Variants in APOB observed in about 807,000 individuals in gnomAD.
APOB encodes apolipoprotein B, also known as apolipoprotein B-100.
A neutral mutation model predicts 314.1 loss-of-function variants in APOB; 153 were observed. That is an observed-to-expected ratio of 0.49 (90% CI 0.43 to 0.56). The LOEUF is 0.56. Ranked by LOEUF, APOB falls within the 20% of genes least tolerant of loss-of-function variation. The pLI, the probability that APOB is intolerant of heterozygous loss-of-function variation, is 0.00. For synonymous variants in APOB, 2,087 were observed against 2,036.4 expected (o/e 1.02, Z -0.67); for missense variants, 5,430 against 5,350.7 (o/e 1.01, Z -0.46).
At chr2:21,042,042 A>C (rs1664144273) in intron 3 of APOB, among the ~76,000 whole-genome samples, 1 of 152,176 alleles carries the variant, frequency 6.6e-6, no homozygotes, top group Admixed American at 6.5e-5. Flanking sequence ...TAGCTCACCT[A>C]CTGGGCCTCT....
rs772499358 is a variant in APOB, at chr2:21,026,803, A to C, written c.2229T>G (p.Asp743Glu). 2 of 1,613,538 alleles carry C rather than the reference A, an allele frequency of 1.2e-6. No homozygotes were observed. The highest frequency in any genetic ancestry group is 1.6e-4 in the Middle Eastern group (1 of 6,062). The change falls in exon 15 of 29, where the codon GAT (aspartate) becomes GAG (glutamate). Residue 743 changes from aspartate to glutamate, a missense_variant. This residue lies in a region of APOB where 2,085 missense variants were observed against 2,079.7 expected (regional missense o/e 1.00). Coordinates refer to ENST00000233242, the MANE Select transcript of APOB (RefSeq NM_000384.3). ...VLVDHFGYTK[D>E]DKHEQDMVNG... ...AAATACACACCTGCTCATGTTTATC[A>C]TCTTTGGTATAGCCAAAGTGGTCCA...
rs1303684057 is a variant in APOB, at chr2:21,005,778, C to T, written c.11090G>A (p.Gly3697Asp). The T allele has an allele frequency of 6.2e-7, 1 of 1,613,892 alleles. No homozygotes were observed. Among genetic ancestry groups the T allele is most frequent in the Non-Finnish European group, 8.5e-7 (1 of 1,179,982 alleles). Residue 3697 changes from glycine (G) to aspartate (D), a missense_variant, in exon 26 of 29, where the codon GGT becomes GAT. This residue lies in a region of APOB where 3,281 missense variants were observed against 3,171.0 expected (regional missense o/e 1.03). Transcript: ENST00000233242. Reference sequence around the variant, plus strand: ...TGAAACACGAAGATGCTGTCTCCTACCAATGCTGGTGGTTACATCCAGCTT... The same window carrying T: ...TGAAACACGAAGATGCTGTCTCCTATCAATGCTGGTGGTTACATCCAGCTT... The part of the protein sequence containing the change: ...FLKLDVTTSI[G>D]RRQHLRVSTA...
chr2:21,043,410 G>A, intron 2 of APOB, 103 bp downstream of exon 2: 1 of 1,362,660 alleles, frequency 7.3e-7, no homozygotes. Flanking sequence ...GGCACACCAC[G>A]ATGCCATCTC....
chr2:21,029,606 T>C (rs370600371), intron 12 of APOB, 33 bp downstream of exon 12: 2 of 1,612,968 alleles, frequency 1.2e-6, no homozygotes, highest in Non-Finnish European at 1.7e-6. Flanking sequence ...GTTAATAAAC[T>C]TTCACTTTCA....
chr2:21,023,287 G>A (rs1481841770), intron 17 of APOB, among the ~76,000 whole-genome samples: 1 of 152,126 alleles, frequency 6.6e-6, no homozygotes, highest in Admixed American at 6.6e-5. Context: ...AAGATGATAG[G>A]AATACTCATT....
intron 20 of APOB, among the ~76,000 whole-genome samples, chr2:21,016,928 G>C (rs1425077900): frequency 6.6e-6 from 1 of 151,540 alleles, no homozygotes; most frequent in Non-Finnish European, 1.5e-5. Context: ...GGCTTGCAGT[G>C]AGCCGAGATG....
chr2:21,023,072 T>A lies in APOB; in HGVS notation c.2605-30A>T, dbSNP rs375114889. On this transcript the variant is annotated intron_variant, in intron 17 of 28. Coordinates refer to ENST00000233242, the MANE Select transcript of APOB (RefSeq NM_000384.3). ...AAGTCAGAAAACAACCTATTCAGATTCATTAAATACTTCAGTCCCCTGTCA... is the reference window on the plus strand; with the variant it reads ...AAGTCAGAAAACAACCTATTCAGATACATTAAATACTTCAGTCCCCTGTCA... 2.7e-5 allele frequency: 43 copies of A among 1,592,764 alleles called. No homozygotes were observed. In the African/African-American group the frequency reaches 4.7e-4, roughly 17 times the overall value.
rs1663012757 is a variant in APOB at position 21,002,505 on chromosome 2, A to G, written c.12917T>C (p.Ile4306Thr). Reference protein sequence around the residue: ...LRNLQDLLQFIFQLIEDNIKQ... With the variant: ...LRNLQDLLQFTFQLIEDNIKQ... Reference sequence around the variant, plus strand: ...AATGTTATCTTCTATTAGTTGGAAAATGAATTGTAAAAGGTCCTGAAGATT... The same window carrying G: ...AATGTTATCTTCTATTAGTTGGAAAGTGAATTGTAAAAGGTCCTGAAGATT... Residue 4306 changes from isoleucine to threonine, a missense_variant, in exon 29 of 29, where the codon ATT becomes ACT. By Grantham distance (89) the Ile-to-Thr change is moderately conservative (BLOSUM62 -1). Coordinates refer to ENST00000233242, the MANE Select transcript of APOB (RefSeq NM_000384.3). 7.4e-6 allele frequency: 12 copies of G among 1,613,090 alleles called. No homozygotes were observed. The highest frequency in any genetic ancestry group is 9.3e-6 in the Non-Finnish European group (11 of 1,179,226).
In APOB at chr2:21,010,597, C is replaced by A. The variant is rs757141693; in HGVS notation, c.6271G>T (p.Val2091Leu). ...FERNRQTIIV[V>L]LENVQRNLKH... The stretch of plus-strand genomic sequence containing the variant: ...AGGTTTCTCTGTACGTTTTCCAGTA[C>A]AACTATAATGGTTTGTCGATTCCTC... The change falls in exon 26 of 29, where the codon GTA (valine) becomes TTA (leucine). Residue 2091 changes from valine to leucine, a missense_variant. This residue lies in a region of APOB where 3,281 missense variants were observed against 3,171.0 expected (regional missense o/e 1.03). Transcript: ENST00000233242. 1.2e-6 allele frequency: 2 copies of A among 1,613,972 alleles called. No homozygotes were observed. Among genetic ancestry groups the A allele is most frequent in the Non-Finnish European group, 1.7e-6 (2 of 1,179,974 alleles).
intron 25 of APOB, among the ~76,000 whole-genome samples, chr2:21,012,951 G>T (rs1663368274): frequency 6.6e-6 from 1 of 152,170 alleles, no homozygotes; most frequent in African/African-American, 2.4e-5. Flanking sequence ...TGGCTTATCT[G>T]TCTACTTTCT....
rs1274551398 is a variant in APOB at position 21,030,297 on chromosome 2, A to G, written c.1353-282T>C. Reference sequence around the variant, plus strand: ...GAATACTGAACCCAGAAATAAAGTCACATACTTACAGTCAACGGATCTTTG... The same window carrying G: ...GAATACTGAACCCAGAAATAAAGTCGCATACTTACAGTCAACGGATCTTTG... On this transcript the variant is annotated intron_variant, in intron 10 of 28. Transcript: ENST00000233242. Among the ~76,000 whole-genome samples, 7 of 152,214 alleles carry G rather than the reference A, an allele frequency of 4.6e-5. No individual in the cohort carries two copies. In the East Asian group the frequency reaches 1.3e-3, roughly 29 times the overall value.
Position 21,037,131 on chromosome 2 carries a change from C to A in APOB, c.662G>T (p.Gly221Val). The A allele has an allele frequency of 6.2e-7, 1 of 1,614,190 alleles. No individual in the cohort carries two copies. The highest frequency in any genetic ancestry group is 8.5e-7 in the Non-Finnish European group (1 of 1,180,044). The change falls in exon 6 of 29, where the codon GGC becomes GTC. Residue 221 changes from glycine (G) to valine (V), a missense_variant. This residue lies in a region of APOB where 2,085 missense variants were observed against 2,079.7 expected (regional missense o/e 1.00). Transcript: ENST00000233242. ...QCDRFKPIRTGISPLALIKGM... is the reference protein window; with the variant it reads ...QCDRFKPIRTVISPLALIKGM... Reference sequence around the variant, plus strand: ...TTTGATGAGAGCAAGTGGGCTGATGCCTGTGCGGATGGGCTTGAAGCGATC... The same window carrying A: ...TTTGATGAGAGCAAGTGGGCTGATGACTGTGCGGATGGGCTTGAAGCGATC...
At position 21,007,266 on chromosome 2, in the gene APOB, A is replaced by T; in HGVS notation, c.9602T>A (p.Ile3201Asn). The T allele has an allele frequency of 6.2e-7, 1 of 1,613,498 alleles. No individual in the cohort carries two copies. Among genetic ancestry groups the T allele is most frequent in the South Asian group, 1.1e-5 (1 of 91,060 alleles). The change falls in exon 26 of 29, where the codon ATC (isoleucine) becomes AAC (asparagine). Residue 3201 changes from isoleucine to asparagine, a missense_variant. Physicochemically the swap from Ile to Asn is moderately radical, Grantham distance 149. Coordinates refer to ENST00000233242, the MANE Select transcript of APOB (RefSeq NM_000384.3). ...AVLCEFISQSIKSFDRHFEKN... is the reference protein window; with the variant it reads ...AVLCEFISQSNKSFDRHFEKN... ...TTCAAAATGCCTGTCAAAGGATTTG[A>T]TGCTCTGACTGATAAACTCACAAAG...
chr2:21,041,778 ACT>A (rs1664137961), intron 3 of APOB, among the ~76,000 whole-genome samples: 1 of 152,134 alleles, frequency 6.6e-6, no homozygotes, highest in Admixed American at 6.5e-5. Flanking sequence ...GAGCTACGGT[ACT>A]CTCTAAAAAA....
chr2:21,027,289 G>A (rs919502455), intron 14 of APOB, among the ~76,000 whole-genome samples: 7 of 150,412 alleles, frequency 4.7e-5, no homozygotes, highest in African/African-American at 9.8e-5. Flanking sequence ...ACTTAAAGAC[G>A]AGACATTTGC....
intron 3 of APOB, 115 bp from the exon 4 acceptor site, chr2:21,041,198 C>T (rs781386568): frequency 2.7e-5 from 30 of 1,093,388 alleles, no homozygotes; most frequent in Non-Finnish European, 3.6e-5. Flanking sequence ...GCTGGGAACA[C>T]CACTGCCTGC....
rs1663136464 is a variant in APOB at position 21,006,324 on chromosome 2, C to T, written c.10544G>A (p.Ser3515Asn). Reference sequence around the variant, plus strand: ...GGAATTCAAGTAAGTGTTGGCCTCACTAGCAATAGTTCCTGAATATTCCCG... The same window carrying T: ...GGAATTCAAGTAAGTGTTGGCCTCATTAGCAATAGTTCCTGAATATTCCCG... ...LSREYSGTIA[S>N]EANTYLNSKS... is the part of the protein sequence containing the mutation. The change falls in exon 26 of 29, where the codon AGT becomes AAT. Residue 3515 changes from serine (S) to asparagine (N), a missense_variant. This residue lies in a region of APOB where 3,281 missense variants were observed against 3,171.0 expected (regional missense o/e 1.03). Transcript: ENST00000233242. 6.2e-7 allele frequency: 1 copy of T among 1,613,950 alleles called. No homozygotes were observed. Among genetic ancestry groups the T allele is most frequent in the Admixed American group, 1.7e-5 (1 of 59,994 alleles).
intron 15 of APOB, among the ~76,000 whole-genome samples, 161 bp downstream of exon 15, chr2:21,026,627 C>T (rs1258561554): frequency 1.3e-5 from 2 of 152,202 alleles, no homozygotes; most frequent in Non-Finnish European, 2.9e-5. Flanking sequence ...AGATCTTTAA[C>T]TGCAGAGGAT....
At chr2:21,042,655 T>C (rs1161500399) in intron 2 of APOB, among the ~76,000 whole-genome samples, 179 bp from the exon 3 acceptor site, 2 of 152,144 alleles carry the variant, frequency 1.3e-5, no homozygotes, top group African/African-American at 4.8e-5. Context: ...CATTATGTTT[T>C]TGCTGAGGCT....
Sources: gnomAD v4.1 joint callset for allele counts (sites outside exome capture counted in the v4.1 genomes callset) on GRCh38, gnomAD v4.1.1 for gene constraint, gnomAD v4.1.1 regional missense constraint, MANE v1.5 for transcripts, NCBI Gene and HGNC (gene_info 2026-07-23, HGNC 2026-07-21) for gene names.